Variants in RIPOR2 observed in about 807,000 individuals in gnomAD.
RIPOR2 encodes rho family-interacting cell polarization regulator 2.
RIPOR2 carries 39 observed loss-of-function variants against 114.5 expected under a neutral mutation model. That is an observed-to-expected ratio of 0.34 (90% CI 0.26 to 0.44). RIPOR2 has a LOEUF of 0.44. RIPOR2 is among the 20% of genes least tolerant of loss of function. The pLI, the probability that RIPOR2 is intolerant of heterozygous loss-of-function variation, is 1.00. For missense variants in RIPOR2, 1,007 were observed against 1,255.1 expected, an observed-to-expected ratio of 0.80 and a Z score of 2.99; for synonymous variants, 445 against 484.4, an observed-to-expected ratio of 0.92 and a Z score of 1.07.
At chr6:25,023,230 T>G (rs1012514600) in intron 1 of RIPOR2, 29 of 679,350 alleles carry the variant, frequency 4.3e-5, no homozygotes, top group Non-Finnish European at 7.2e-5. Context: ...AGGCTCCAGC[T>G]CCTCATTGTA....
At chr6:24,882,736 C>T (rs564941857) in intron 1 of RIPOR2, among the ~76,000 whole-genome samples, 1 of 152,292 alleles carries the variant, frequency 6.6e-6, no homozygotes, top group South Asian at 2.1e-4. Context: ...GAGCATATTG[C>T]ATGCAAAATT....
chr6:24,861,097 A>G (rs1444415759), intron 7 of RIPOR2, 61 bp from the exon 8 acceptor site: 11 of 1,176,196 alleles, frequency 9.4e-6, no homozygotes, highest in Admixed American at 3.8e-5. Context: ...CTCAAAGCAC[A>G]CGACGTTCGA....
chr6:24,809,957 ACCT>A (rs1781033704), intron 20 of RIPOR2, 150 bp from the exon 21 acceptor site: 1 of 621,452 alleles, frequency 1.6e-6, no homozygotes, highest in Non-Finnish European at 2.9e-6. Context: ...TGCAGCCTTG[ACCT>A]CCTGGGCTCA....
chr6:24,917,948 A>T (rs1770204953), intron 1 of RIPOR2, among the ~76,000 whole-genome samples: 1 of 151,994 alleles, frequency 6.6e-6, no homozygotes, highest in African/African-American at 2.4e-5. Context: ...TTCCAAGGTG[A>T]TTTATTTATT....
intron 1 of RIPOR2, among the ~76,000 whole-genome samples, chr6:24,943,978 A>C (rs1281163555): frequency 1.3e-5 from 2 of 152,184 alleles, no homozygotes; most frequent in Non-Finnish European, 2.9e-5. Flanking sequence ...TCAATACTGC[A>C]GCCGCCTAAG....
chr6:24,867,280 T>C lies in RIPOR2; in HGVS notation c.501+1814A>G, dbSNP rs574793124. 8.5e-5 allele frequency among the ~76,000 whole-genome samples: 13 copies of C among 152,346 alleles called. 1 individual carries two copies. The East Asian group carries it at 2.5e-3, about 29-fold the overall frequency. On this transcript the variant is annotated intron_variant, in intron 6 of 21. Transcript: ENST00000643898. ...GACATCTTTTGGTTGATGGTTGGCA[T>C]AGAGTGTGGTTTCCGTGCTTTAAAG...
chr6:24,886,607 G>C (rs1766857344), intron 1 of RIPOR2, among the ~76,000 whole-genome samples: 2 of 152,138 alleles, frequency 1.3e-5, no homozygotes. Flanking sequence ...TTTGTTTGCT[G>C]TTTTCTTGTG....
chr6:24,818,989 C>A (rs9379695), intron 19 of RIPOR2, among the ~76,000 whole-genome samples: 45,873 of 151,606 alleles, frequency 0.3, 7,911 homozygotes, highest in East Asian at 0.69. Context: ...TTAACTTTTT[C>A]TTTTAAGGTG....
In RIPOR2 at chr6:24,850,097, C is replaced by CTTT. The variant is rs5875008; in HGVS notation, c.886-150_886-148dup. The CTTT allele has an allele frequency of 2.0e-3, 857 of 436,474 alleles. 1 individual carries two copies. Among genetic ancestry groups the CTTT allele is most frequent in the South Asian group, 4.1e-3 (135 of 32,590 alleles). The allele number at this position is 436,474 out of a possible 1,614,324, so 27.0% of individuals were successfully genotyped here. On this transcript the variant is annotated intron_variant, in intron 10 of 21. Transcript: ENST00000643898. ...GAAGCGGATTTTCATTTTTCTTTTT[C>CTTT]TTTTTTTTTTTTTTTTGGAGACAGG...
At chr6:24,853,952 C>A (rs1048957066) in intron 8 of RIPOR2, among the ~76,000 whole-genome samples, 9 of 151,244 alleles carry the variant, frequency 6.0e-5, no homozygotes, top group African/African-American at 2.2e-4. Flanking sequence ...CTCATCTCTA[C>A]TAAAAAGAAA....
intron 16 of RIPOR2, 108 bp from the exon 17 acceptor site, chr6:24,830,778 T>C (rs1301734421): frequency 1.7e-5 from 20 of 1,151,358 alleles, no homozygotes; most frequent in Admixed American, 2.7e-5. Context: ...TGCAATGGCA[T>C]GATCTCAGCT....
intron 1 of RIPOR2, among the ~76,000 whole-genome samples, chr6:24,949,380 A>G (rs1460534327): frequency 2.0e-5 from 3 of 152,228 alleles, no homozygotes; most frequent in Non-Finnish European, 4.4e-5. Flanking sequence ...TTTACAGCAG[A>G]TTTTAGAGAC....
chr6:24,939,830 CA>C (rs2114173584), upstream of RIPOR2, among the ~76,000 whole-genome samples: 1 of 152,302 alleles, frequency 6.6e-6, no homozygotes, highest in Non-Finnish European at 1.5e-5. Context: ...CTACTTTGAT[CA>C]AATGGTGATT....
At chr6:24,945,750 G>T (rs899792129) in intron 1 of RIPOR2, among the ~76,000 whole-genome samples, 1 of 152,050 alleles carries the variant, frequency 6.6e-6, no homozygotes, top group Non-Finnish European at 1.5e-5. Context: ...TAAATAAAAA[G>T]TGTAGTAAAA....
chr6:24,866,062 G>C (rs1764571903), intron 6 of RIPOR2, among the ~76,000 whole-genome samples: 1 of 152,084 alleles, frequency 6.6e-6, no homozygotes, highest in African/African-American at 2.4e-5. Flanking sequence ...GTAACTTGGG[G>C]ATATATATTG....
chr6:24,836,213 A>G (rs961305843), intron 14 of RIPOR2, among the ~76,000 whole-genome samples: 4 of 152,122 alleles, frequency 2.6e-5, no homozygotes, highest in East Asian at 1.9e-4. Flanking sequence ...TGATCTGCCA[A>G]ATTTTCTGGA....
chr6:25,019,774 C>CAAAAAAAAAAAAAAAAAAAAAAAAAAA (rs34107737), intron 1 of RIPOR2, among the ~76,000 whole-genome samples: 13 of 53,092 alleles, frequency 2.4e-4, no homozygotes, highest in Admixed American at 8.5e-4. Flanking sequence ...GACTCTGTCT[C>CAAAAAAAAAAAAAAAAAAAAAAAAAAA]AAAAAAAAAA....
chr6:24,884,188 C>A (rs1766596288), intron 1 of RIPOR2, among the ~76,000 whole-genome samples: 1 of 151,858 alleles, frequency 6.6e-6, no homozygotes, highest in Non-Finnish European at 1.5e-5. Context: ...GCGGGCGGAT[C>A]ATGAGGTCAG....
At chr6:24,929,427 C>T (rs184438622) in intron 1 of RIPOR2, 1 of 152,316 alleles carries the variant, frequency 6.6e-6, no homozygotes, top group Admixed American at 6.5e-5. Context: ...GAAACTAGCA[C>T]CTGGCACAGC....
Sources: allele counts gnomAD v4.1 joint callset (sites outside exome capture counted in the v4.1 genomes callset), GRCh38; gene constraint gnomAD v4.1.1; transcripts MANE v1.5; gene names NCBI Gene and HGNC (gene_info 2026-07-23, HGNC 2026-07-21).